Variants in CD2AP observed in about 807,000 individuals in gnomAD.
CD2AP encodes the protein CD2-associated protein.
CD2AP carries 46 observed loss-of-function variants against 85.1 expected under a neutral mutation model. The observed-to-expected ratio is 0.54, with a 90% confidence interval of 0.43 to 0.69. CD2AP has a LOEUF of 0.69. Ranked by LOEUF, CD2AP falls within the 30% of genes least tolerant of loss-of-function variation. The pLI is 0.00. For synonymous variants in CD2AP, 255 were observed against 252.9 expected (o/e 1.01, Z -0.08); for missense variants, 769 against 729.5 (o/e 1.05, Z -0.62).
intron 2 of CD2AP, among the ~76,000 whole-genome samples, chr6:47,524,511 A>G (rs1295968523): frequency 6.6e-6 from 1 of 152,236 alleles, no homozygotes; most frequent in African/African-American, 2.4e-5. Flanking sequence ...CAAAACTATT[A>G]GGAAAAATGT....
At chr6:47,485,191 G>A (rs1765537049) in intron 1 of CD2AP, among the ~76,000 whole-genome samples, 2 of 152,134 alleles carry the variant, frequency 1.3e-5, no homozygotes, top group East Asian at 3.8e-4. Flanking sequence ...ATTAAAAGAA[G>A]TTAACTGTAA....
rs1582639751 is a variant in CD2AP at position 47,626,061 on chromosome 6, T to C, written c.*1834T>C. 1 of 152,050 alleles carries C rather than the reference T, an allele frequency of 6.6e-6. No homozygotes were observed. Among genetic ancestry groups the C allele is most frequent in the South Asian group, 2.1e-4 (1 of 4,822 alleles). The allele number at this position is 152,050 out of a possible 1,614,324, so 9.4% of individuals were successfully genotyped here. A position where few individuals can be genotyped will look rare whatever the true frequency, so the allele number is the denominator to read the frequency against. ...TCCTAGAAATTATCCTCCAGCTTTCTCACCTGAAAATCTATTGAAGTGATC... is the reference window on the plus strand; with the variant it reads ...TCCTAGAAATTATCCTCCAGCTTTCCCACCTGAAAATCTATTGAAGTGATC... On this transcript the variant is annotated 3_prime_UTR_variant, in exon 18 of 18. Transcript: ENST00000359314.
intron 13 of CD2AP, among the ~76,000 whole-genome samples, chr6:47,602,486 A>G (rs868415089): frequency 2.6e-5 from 4 of 152,060 alleles, no homozygotes; most frequent in African/African-American, 9.7e-5. Flanking sequence ...AAAATGTAAG[A>G]TAGAAAATTT....
intron 3 of CD2AP, among the ~76,000 whole-genome samples, chr6:47,534,721 G>A (rs1582526632): frequency 1.3e-5 from 2 of 151,890 alleles, no homozygotes; most frequent in South Asian, 4.1e-4. Flanking sequence ...TATTAAACGT[G>A]TACAAAGAAT....
At chr6:47,514,597 G>A (rs1437096498) in intron 2 of CD2AP, among the ~76,000 whole-genome samples, 1 of 152,114 alleles carries the variant, frequency 6.6e-6, no homozygotes, top group East Asian at 1.9e-4. Context: ...CATATTTTGG[G>A]GTGTGGTGAG....
rs146539285 is a variant in CD2AP at position 47,582,795 on chromosome 6, GTT to G, written c.1108+742_1108+743del. Among the ~76,000 whole-genome samples, 49 of 91,400 alleles carry G rather than the reference GTT, an allele frequency of 5.4e-4. 1 individual carries two copies. Among genetic ancestry groups the G allele is most frequent in the African/African-American group, 2.0e-3 (44 of 22,200 alleles). 60.0% of individuals were successfully genotyped at this position (91,400 alleles called of 152,430 possible). A position where few individuals can be genotyped will look rare whatever the true frequency, so the allele number is the denominator to read the frequency against. ...TGTTTTTTTTGTTTTTTTTTGTTTTGTTTTTTTTTTTTTGTCTCGCTCTCTGG... is the reference window on the plus strand; with the variant it reads ...TGTTTTTTTTGTTTTTTTTTGTTTTGTTTTTTTTTTTGTCTCGCTCTCTGG... On this transcript the variant is annotated intron_variant, in intron 11 of 17. Transcript: ENST00000359314.
At chr6:47,595,167 CT>C (rs1768905998) in intron 11 of CD2AP, among the ~76,000 whole-genome samples, 2 of 151,762 alleles carry the variant, frequency 1.3e-5, no homozygotes, top group South Asian at 4.1e-4. Context: ...TACTTGTTGC[CT>C]TTTTGGTGAT....
At chr6:47,560,336 T>C (rs181054568) in intron 5 of CD2AP, among the ~76,000 whole-genome samples, 2 of 152,290 alleles carry the variant, frequency 1.3e-5, no homozygotes, top group African/African-American at 4.8e-5. Context: ...TTGATAATAT[T>C]GTTTATTCTG....
At chr6:47,622,070 GC>G in intron 17 of CD2AP, among the ~76,000 whole-genome samples, 1 of 152,200 alleles carries the variant, frequency 6.6e-6, no homozygotes, top group Non-Finnish European at 1.5e-5. Flanking sequence ...GAGTTGTGTA[GC>G]TAGGAGGAAT....
intron 2 of CD2AP, among the ~76,000 whole-genome samples, chr6:47,532,716 A>G (rs904032361): frequency 6.6e-6 from 1 of 152,062 alleles, no homozygotes; most frequent in African/African-American, 2.4e-5. Context: ...TCCTTGAAGT[A>G]TTTTCACTGT....
chr6:47,580,847 C>T lies in CD2AP; in HGVS notation c.1009-17C>T. The T allele has an allele frequency of 6.3e-7, 1 of 1,592,074 alleles. No homozygotes were observed. The highest frequency in any genetic ancestry group is 1.3e-5 in the African/African-American group (1 of 74,546). The stretch of plus-strand genomic sequence containing the variant: ...TATGAAACTGGTCAGCCGTTTCCAC[C>T]ATTATTATTTTAACAGAAACCAAAG... On this transcript the variant is annotated splice_polypyrimidine_tract_variant and intron_variant, in intron 9 of 17. Coordinates refer to ENST00000359314, the MANE Select transcript of CD2AP (RefSeq NM_012120.3).
At chr6:47,480,733 G>GA (rs141302240) in intron 1 of CD2AP, among the ~76,000 whole-genome samples, 11,607 of 149,648 alleles carry the variant, frequency 0.078, 458 homozygotes, top group South Asian at 0.13. Context: ...ACCAACTTGG[G>GA]AAAAAAAAAA....
At chr6:47,508,020 G>T (rs1766219168) in intron 2 of CD2AP, among the ~76,000 whole-genome samples, 1 of 152,210 alleles carries the variant, frequency 6.6e-6, no homozygotes, top group African/African-American at 2.4e-5. Flanking sequence ...CATTTATAGA[G>T]CATAGGCAGA....
At chr6:47,503,183 G>A (rs2113981126) in intron 1 of CD2AP, 97 bp from the exon 2 acceptor site, 2 of 1,163,880 alleles carry the variant, frequency 1.7e-6, no homozygotes, top group Non-Finnish European at 2.5e-6. Flanking sequence ...ATTAAATATT[G>A]TTGCTAAACA....
chr6:47,624,361 G>C lies in CD2AP; in HGVS notation c.*134G>C. 1 of 710,716 alleles carries C rather than the reference G, an allele frequency of 1.4e-6. No homozygotes were observed. The highest frequency in any genetic ancestry group is 2.3e-5 in the Admixed American group (1 of 43,974). The allele number at this position is 710,716 out of a possible 1,614,324, so 44.0% of individuals were successfully genotyped here. Reference sequence around the variant, plus strand: ...GAGCAAATGAAGTGTAATATCTATAGAAAAGTAGAGTGAGGGTGAATTTAT... The same window carrying C: ...GAGCAAATGAAGTGTAATATCTATACAAAAGTAGAGTGAGGGTGAATTTAT... On this transcript the variant is annotated 3_prime_UTR_variant, in exon 18 of 18. Transcript: ENST00000359314.
chr6:47,512,296 C>T (rs140890799), intron 2 of CD2AP, among the ~76,000 whole-genome samples: 118 of 152,244 alleles, frequency 7.8e-4, no homozygotes, highest in African/African-American at 2.7e-3. Flanking sequence ...GAGCCGAGAT[C>T]GCACCACTGC....
At chr6:47,497,495 G>A (rs895197784) in intron 1 of CD2AP, among the ~76,000 whole-genome samples, 1 of 151,914 alleles carries the variant, frequency 6.6e-6, no homozygotes, top group Non-Finnish European at 1.5e-5. Context: ...CTGGACTCAA[G>A]CCATTCTCTC....
intron 3 of CD2AP, among the ~76,000 whole-genome samples, chr6:47,536,239 T>G (rs1281765969): frequency 2.0e-5 from 3 of 151,074 alleles, no homozygotes; most frequent in African/African-American, 4.9e-5. Context: ...TTTTTTTTTT[T>G]GTTACTGTTT....
rs34762840 is a variant in CD2AP, at chr6:47,505,078, AG to A, written c.165+1643del. Among the ~76,000 whole-genome samples the A allele has an allele frequency of 3.7e-3, 459 of 122,850 alleles. 4 individuals are homozygous for A. Among genetic ancestry groups the A allele is most frequent in the Non-Finnish European group, 5.0e-3 (300 of 60,084 alleles). The allele number at this position is 122,850 out of a possible 152,430, so 80.6% of individuals were successfully genotyped here. On this transcript the variant is annotated intron_variant, in intron 2 of 17. Coordinates refer to ENST00000359314, the MANE Select transcript of CD2AP (RefSeq NM_012120.3). The stretch of plus-strand genomic sequence containing the variant: ...GATAATTCTTGGGTGTTTCTCACAG[AG>A]GGGGATTTGGCAGGGTCATGGGACA...
Sources: allele counts gnomAD v4.1 joint callset (sites outside exome capture counted in the v4.1 genomes callset), GRCh38; gene constraint gnomAD v4.1.1; transcripts MANE v1.5; gene names NCBI Gene and HGNC (gene_info 2026-07-23, HGNC 2026-07-21).